The following AKAP1 variants were observed in gnomAD, a reference collection of about 807,000 sequenced individuals.
AKAP1 encodes the protein A-kinase anchoring protein 1.
Under a neutral mutation model 79.8 loss-of-function variants are expected in AKAP1, and 32 were observed. That is an observed-to-expected ratio of 0.40 (90% CI 0.30 to 0.54). The LOEUF (loss-of-function observed/expected upper bound fraction) is 0.54. Among genes scored for constraint, AKAP1 ranks in the 20% least tolerant of loss-of-function variants. The pLI, the probability that AKAP1 is intolerant of heterozygous loss-of-function variation, is 0.47. For missense variants in AKAP1, 961 were observed against 1,138.9 expected, an observed-to-expected ratio of 0.84 and a Z score of 2.25; for synonymous variants, 416 against 466.7, an observed-to-expected ratio of 0.89 and a Z score of 1.40.
intron 8 of AKAP1, 32 bp downstream of exon 8, chr17:57,116,959 G>A (rs370284176): frequency 6.3e-7 from 1 of 1,596,566 alleles, no homozygotes; most frequent in African/African-American, 1.3e-5. Context: ...TTGGGGGATT[G>A]TTGGGGACAG....
At chr17:57,095,216 C>A (rs1463469191) in intron 1 of AKAP1, 2 of 152,254 alleles carry the variant, frequency 1.3e-5, no homozygotes, top group Admixed American at 1.3e-4. Context: ...GGTTGGAGTG[C>A]AGTGGTGCGA....
At chr17:57,113,984 A>G (rs536916639) in intron 5 of AKAP1, among the ~76,000 whole-genome samples, 18 of 152,212 alleles carry the variant, frequency 1.2e-4, no homozygotes, top group Admixed American at 2.0e-4. Context: ...CTGCCAGTCC[A>G]CAGGAGTTGG....
In AKAP1 at chr17:57,105,762, C is replaced by T. The variant is rs1477743018; in HGVS notation, c.298C>T (p.Pro100Ser). 1.2e-6 allele frequency: 2 copies of T among 1,614,054 alleles called. No homozygotes were observed. The highest frequency in any genetic ancestry group is 2.7e-5 in the African/African-American group (2 of 74,902). Reference protein sequence around the residue: ...AEPPALLQTHPPCRRSESSGI... With the variant: ...AEPPALLQTHSPCRRSESSGI... Reference sequence around the variant, plus strand: ...GCCCCCAGCATTGCTCCAGACACACCCACCTTGCCGAAGATCAGAGTCCTC... The same window carrying T: ...GCCCCCAGCATTGCTCCAGACACACTCACCTTGCCGAAGATCAGAGTCCTC... Residue 100 changes from proline to serine, a missense_variant, in exon 2 of 11, where the codon CCA (proline) becomes TCA (serine). Physicochemically the swap from Pro to Ser is moderately conservative, Grantham distance 74. Transcript: ENST00000337714.
chr17:57,116,382 A>G (rs1915587526), intron 7 of AKAP1, 121 bp downstream of exon 7: 2 of 1,307,302 alleles, frequency 1.5e-6, no homozygotes, highest in Admixed American at 3.8e-5. Flanking sequence ...CCTGCTGCCT[A>G]CTGTGTTTTA....
rs886242909 is a variant in AKAP1, at chr17:57,103,588, C to T, written c.-24-1853C>T. On this transcript the variant is annotated intron_variant, in intron 1 of 10. Transcript: ENST00000337714. ...TGCCAGAAAACAATATAAGTCAAAC[C>T]AATATGAGTTGTTAAAACATGTGCA... 3.4e-4 allele frequency among the ~76,000 whole-genome samples: 52 copies of T among 152,138 alleles called. 2 individuals are homozygous for T. The highest frequency in any genetic ancestry group is 5.9e-5 in the Non-Finnish European group (4 of 68,030).
Position 57,106,787 on chromosome 17 carries a change from C to A in AKAP1, c.1323C>A (p.Ser441Arg), listed in dbSNP as rs748103268. Residue 441 changes from serine to arginine, a missense_variant, in exon 2 of 11, where the codon AGC (serine) becomes AGA (arginine). Coordinates refer to ENST00000337714, the MANE Select transcript of AKAP1 (RefSeq NM_003488.4). ...AGACCTACGTGAGCTGCCTGAAGAG[C>A]CTTCTGTCCAGCCCCACCAAGGACA... Reference protein sequence around the residue: ...PPKTYVSCLKSLLSSPTKDSK... With the variant: ...PPKTYVSCLKRLLSSPTKDSK... The A allele has an allele frequency of 2.5e-6, 4 of 1,614,130 alleles. No homozygotes were observed. The South Asian group carries it at 4.4e-5, about 18-fold the overall frequency.
chr17:57,112,038 C>A, intron 4 of AKAP1, 114 bp downstream of exon 4: 1 of 1,384,808 alleles, frequency 7.2e-7, no homozygotes, highest in Non-Finnish European at 9.8e-7. Context: ...CTTCTCATCC[C>A]AGGGAAGGGA....
intron 2 of AKAP1, 139 bp downstream of exon 2, chr17:57,107,317 G>C: frequency 8.0e-7 from 1 of 1,243,238 alleles, no homozygotes; most frequent in Non-Finnish European, 1.1e-6. Context: ...AACCTGCAGA[G>C]GTCTGGACAC....
In AKAP1 at chr17:57,121,260, G is replaced by A. The variant is rs1481240913; in HGVS notation, c.*936G>A. The A allele has an allele frequency of 6.6e-6, 1 of 151,778 alleles. No homozygotes were observed. Among genetic ancestry groups the A allele is most frequent in the Non-Finnish European group, 1.5e-5 (1 of 68,008 alleles). The allele number at this position is 151,778 out of a possible 1,614,324, so 9.4% of individuals were successfully genotyped here. A position where few individuals can be genotyped will look rare whatever the true frequency, so the allele number is the denominator to read the frequency against. ...ACTCATTGAATTAACTTGCAGTGGT[G>A]TGTTTGATTCTTTTTTAGACTGGCT... On this transcript the variant is annotated 3_prime_UTR_variant, in exon 11 of 11. Transcript: ENST00000337714.
At chr17:57,087,507 C>T (rs1256469292) in intron 1 of AKAP1, among the ~76,000 whole-genome samples, 2 of 152,186 alleles carry the variant, frequency 1.3e-5, no homozygotes, top group Non-Finnish European at 2.9e-5. Context: ...GGCTGGGTTG[C>T]AGCCATATTT....
rs1042852510 is a variant in AKAP1, at chr17:57,105,602, G to A, written c.138G>A (p.Val46=). Residue 46 remains valine (V), a synonymous_variant, in exon 2 of 11, where the codon GTG becomes GTA. Coordinates refer to ENST00000337714, the MANE Select transcript of AKAP1 (RefSeq NM_003488.4). ...AGCAGCAGGTGGAGGCTGGTGCTGT[G>A]CAGCTGAGGGCTGACCCTGCCATCA... is the stretch of plus-strand genomic sequence containing the variant. ...HDEQQVEAGA[V]QLRADPAIKE... is the part of the protein sequence containing the mutation. 28 of 1,614,008 alleles carry A rather than the reference G, an allele frequency of 1.7e-5. No homozygotes were observed. Among genetic ancestry groups the A allele is most frequent in the Non-Finnish European group, 2.3e-5 (27 of 1,180,032 alleles).
rs201036588 is a variant in AKAP1, at chr17:57,111,810, C to T, written c.1861C>T (p.Arg621Trp). 3.8e-5 allele frequency: 61 copies of T among 1,614,044 alleles called. No individual in the cohort carries two copies. The highest frequency in any genetic ancestry group is 5.1e-5 in the Non-Finnish European group (60 of 1,180,020). ...GTCTTTCTGGAAGCACTTAGTCGGTCGGCTAATTGGCAAGCAGGGGCGCTA... is the reference window on the plus strand; with the variant it reads ...GTCTTTCTGGAAGCACTTAGTCGGTTGGCTAATTGGCAAGCAGGGGCGCTA... ...EIEVPKHLVG[R>W]LIGKQGRYVS... is the part of the protein sequence containing the mutation. Residue 621 changes from arginine to tryptophan, a missense_variant, in exon 4 of 11, where the codon CGG (arginine) becomes TGG (tryptophan). This residue lies in a region of AKAP1 where 629 missense variants were observed against 781.1 expected (regional missense o/e 0.81). Transcript: ENST00000337714.
Position 57,115,766 on chromosome 17 carries a change from C to T in AKAP1, c.2282-345C>T, listed in dbSNP as rs78614542. 6.9e-3 allele frequency among the ~76,000 whole-genome samples: 1,050 copies of T among 152,320 alleles called. 1 individual carries two copies. Among genetic ancestry groups the T allele is most frequent in the Non-Finnish European group, 0.01 (695 of 68,030 alleles). Reference sequence around the variant, plus strand: ...TTTAAATGTAAGGCTGGCCCTGGCCCCCATTCCCCGAGTGCTATATTTACT... The same window carrying T: ...TTTAAATGTAAGGCTGGCCCTGGCCTCCATTCCCCGAGTGCTATATTTACT... On this transcript the variant is annotated intron_variant, in intron 6 of 10. Coordinates refer to ENST00000337714, the MANE Select transcript of AKAP1 (RefSeq NM_003488.4).
intron 1 of AKAP1, among the ~76,000 whole-genome samples, chr17:57,101,414 C>T (rs964294426): frequency 2.0e-5 from 3 of 152,046 alleles, no homozygotes; most frequent in Admixed American, 1.3e-4. Context: ...TGGCCTCAAG[C>T]GATTTGCCGC....
chr17:57,087,573 A>G (rs1181499354), intron 1 of AKAP1, among the ~76,000 whole-genome samples: 1 of 152,200 alleles, frequency 6.6e-6, no homozygotes, highest in Admixed American at 6.5e-5. Flanking sequence ...CCTAAAGACA[A>G]ATGGAGATCA....
At chr17:57,100,898 G>A (rs1206181098) in intron 1 of AKAP1, among the ~76,000 whole-genome samples, 4 of 152,018 alleles carry the variant, frequency 2.6e-5, no homozygotes, top group East Asian at 1.9e-4. Flanking sequence ...GTGTGGTGGC[G>A]CATGCCTGTA....
chr17:57,112,770 T>C (rs1430520876), intron 5 of AKAP1, 152 bp downstream of exon 5: 1 of 1,180,524 alleles, frequency 8.5e-7, no homozygotes, highest in African/African-American at 1.6e-5. Context: ...GGTTCTGCTA[T>C]GGGACTGTGT....
At chr17:57,091,957 T>A (rs2144635675) in intron 1 of AKAP1, among the ~76,000 whole-genome samples, 1 of 152,262 alleles carries the variant, frequency 6.6e-6, no homozygotes, top group South Asian at 2.1e-4. Flanking sequence ...TCTCCCAAAG[T>A]GCTGAGATTA....
At chr17:57,098,533 G>C (rs1914264184) in intron 1 of AKAP1, 1 of 152,206 alleles carries the variant, frequency 6.6e-6, no homozygotes, top group Non-Finnish European at 1.5e-5. Flanking sequence ...CTGGCCCAGT[G>C]CAGGAAGGAA....
Sources: allele counts gnomAD v4.1 joint callset (sites outside exome capture counted in the v4.1 genomes callset), GRCh38; gene constraint gnomAD v4.1.1; regional missense constraint gnomAD v4.1.1; transcripts MANE v1.5; gene names NCBI Gene and HGNC (gene_info 2026-07-23, HGNC 2026-07-21).